Variants in FGGY observed in about 807,000 individuals in gnomAD.
FGGY encodes the protein FGGY carbohydrate kinase domain containing.
In FGGY, 72 loss-of-function variants were observed where a neutral mutation model predicts 71.3. The observed-to-expected ratio is 1.01, with a 90% CI of 0.84 to 1.23. The LOEUF (loss-of-function observed/expected upper bound fraction) is 1.23. Among genes scored for constraint, FGGY ranks in the 50% most tolerant of loss-of-function variants. The pLI is 0.00. For missense variants in FGGY, 668 were observed against 682.3 expected, an observed-to-expected ratio of 0.98 and a Z score of 0.23; for synonymous variants, 251 against 250.3, an observed-to-expected ratio of 1.00 and a Z score of -0.02.
At position 59,689,072 on chromosome 1, in the gene FGGY, G is replaced by A. The variant is rs546444468; in HGVS notation, c.1512+14939G>A. Among the ~76,000 whole-genome samples, 12 of 152,198 alleles carry A rather than the reference G, an allele frequency of 7.9e-5. No individual in the cohort carries two copies. In the East Asian group the frequency reaches 2.3e-3, roughly 29 times the overall value. On this transcript the variant is annotated intron_variant, in intron 14 of 15. Coordinates refer to ENST00000303721, the MANE Select transcript of FGGY (RefSeq NM_018291.5). Reference sequence around the variant, plus strand: ...GCCTAGACATTTTTTTAAAAGGTTGGGGAGAAAGGCCAGGTACCCTATCTT... The same window carrying A: ...GCCTAGACATTTTTTTAAAAGGTTGAGGAGAAAGGCCAGGTACCCTATCTT...
intron 6 of FGGY, among the ~76,000 whole-genome samples, chr1:59,477,958 G>A (rs1452311240): frequency 6.6e-6 from 1 of 152,168 alleles, no homozygotes; most frequent in African/African-American, 2.4e-5. Context: ...TTTTTAAAAT[G>A]CACTTTGGAG....
At chr1:59,641,102 C>T (rs1237088451) in intron 11 of FGGY, among the ~76,000 whole-genome samples, 5 of 150,906 alleles carry the variant, frequency 3.3e-5, no homozygotes, top group African/African-American at 1.2e-4. Context: ...CTGAGTGAAG[C>T]TGGGAAGGGG....
intron 2 of FGGY, among the ~76,000 whole-genome samples, chr1:59,328,569 G>A (rs912411650): frequency 6.6e-6 from 1 of 152,186 alleles, no homozygotes; most frequent in African/African-American, 2.4e-5. Flanking sequence ...GTTCACTGGA[G>A]TAGCGCTTTT....
At position 59,611,501 on chromosome 1, in the gene FGGY, G is replaced by A. The variant is rs1389983204; in HGVS notation, c.1011+3591G>A. On this transcript the variant is annotated intron_variant, in intron 9 of 15. Transcript: ENST00000303721. ...ATCCACACCAAAACCCAATCTGTAC[G>A]TCACCATCATCAAAGACCAAAGGTA... Among the ~76,000 whole-genome samples, 12 of 152,186 alleles carry A rather than the reference G, an allele frequency of 7.9e-5. No homozygotes were observed. The South Asian group carries it at 1.5e-3, about 18-fold the overall frequency.
intron 6 of FGGY, among the ~76,000 whole-genome samples, chr1:59,469,845 T>G (rs1405808331): frequency 1.3e-5 from 2 of 152,092 alleles, no homozygotes; most frequent in African/African-American, 4.8e-5. Flanking sequence ...TGAGAACATG[T>G]GATATTTGGT....
chr1:59,450,563 C>T lies in FGGY; in HGVS notation c.555-6398C>T, dbSNP rs192221595. ...TGAGTTTGTTGATTGTATTAACACCCTTTAATTCCCCAGTAGTAATAATAA... is the reference window on the plus strand; with the variant it reads ...TGAGTTTGTTGATTGTATTAACACCTTTTAATTCCCCAGTAGTAATAATAA... On this transcript the variant is annotated intron_variant, in intron 5 of 15. Coordinates refer to ENST00000303721, the MANE Select transcript of FGGY (RefSeq NM_018291.5). Among the ~76,000 whole-genome samples, 752 of 152,190 alleles carry T rather than the reference C, an allele frequency of 4.9e-3. 7 individuals are homozygous for T. The highest frequency in any genetic ancestry group is 0.017 in the African/African-American group (726 of 41,558).
In FGGY at chr1:59,375,288, C is replaced by G. The variant is rs950957742; in HGVS notation, c.466-3461C>G. Among the ~76,000 whole-genome samples, 7 of 136,276 alleles carry G rather than the reference C, an allele frequency of 5.1e-5. No homozygotes were observed. The South Asian group carries it at 1.5e-3, about 29-fold the overall frequency. 89.4% of individuals were successfully genotyped at this position (136,276 alleles called of 152,430 possible). A position where few individuals can be genotyped will look rare whatever the true frequency, so the allele number is the denominator to read the frequency against. ...AAGAAAAAAAAAAAAAAAAAAGAAA[C>G]AAACAAAAAAAAACTGCATGGGATC... On this transcript the variant is annotated intron_variant, in intron 4 of 15. Coordinates refer to ENST00000303721, the MANE Select transcript of FGGY (RefSeq NM_018291.5).
chr1:59,319,347 T>G (rs2045984005), intron 1 of FGGY, among the ~76,000 whole-genome samples: 1 of 152,214 alleles, frequency 6.6e-6, no homozygotes, highest in African/African-American at 2.4e-5. Flanking sequence ...TGAAAACCTA[T>G]TATGTGCCAG....
chr1:59,642,640 A>G (rs899883860), intron 11 of FGGY, among the ~76,000 whole-genome samples: 1 of 151,646 alleles, frequency 6.6e-6, no homozygotes, highest in African/African-American at 2.4e-5. Context: ...AAAAAAAAAA[A>G]AAAAGAGCAA....
chr1:59,632,478 C>T (rs2096917010), intron 10 of FGGY, among the ~76,000 whole-genome samples: 1 of 152,122 alleles, frequency 6.6e-6, no homozygotes, highest in South Asian at 2.1e-4. Context: ...TTCCCATAAT[C>T]CCACTAAATA....
chr1:59,356,127 G>A (rs1439599208), intron 4 of FGGY, among the ~76,000 whole-genome samples: 3 of 152,102 alleles, frequency 2.0e-5, no homozygotes, highest in African/African-American at 7.2e-5. Context: ...TTTTGCAGCA[G>A]TCCTCACCCA....
chr1:59,687,511 G>T (rs1382910121), intron 14 of FGGY, among the ~76,000 whole-genome samples: 3 of 151,614 alleles, frequency 2.0e-5, no homozygotes, highest in Non-Finnish European at 4.4e-5. Flanking sequence ...CTGTCGCCCA[G>T]GCTGGAGTGC....
chr1:59,558,332 G>A (rs1252408030), intron 8 of FGGY, among the ~76,000 whole-genome samples: 2 of 152,248 alleles, frequency 1.3e-5, no homozygotes, highest in Non-Finnish European at 1.5e-5. Context: ...TTTCAACGTA[G>A]GTTCTTTCTA....
At chr1:59,479,510 C>T (rs2093392346) in intron 6 of FGGY, among the ~76,000 whole-genome samples, 1 of 152,100 alleles carries the variant, frequency 6.6e-6, no homozygotes, top group Admixed American at 6.6e-5. Context: ...TACAGACTTT[C>T]TATTTTAATA....
intron 8 of FGGY, among the ~76,000 whole-genome samples, chr1:59,569,618 G>A (rs1303780405): frequency 6.6e-6 from 1 of 152,186 alleles, no homozygotes. Flanking sequence ...ATTGTTCAGA[G>A]AAATGGGGTG....
chr1:59,487,334 G>C (rs185256342), intron 6 of FGGY, among the ~76,000 whole-genome samples: 125 of 152,240 alleles, frequency 8.2e-4, no homozygotes, highest in Non-Finnish European at 7.4e-5. Flanking sequence ...GCAAACTACA[G>C]ATCTTCACTT....
At chr1:59,661,796 T>C (rs1389362432) in intron 12 of FGGY, among the ~76,000 whole-genome samples, 2 of 151,680 alleles carry the variant, frequency 1.3e-5, no homozygotes, top group African/African-American at 4.8e-5. Flanking sequence ...CTTGGCTCAC[T>C]GCAAGCTCCA....
chr1:59,406,297 T>C (rs1186012137), intron 5 of FGGY, among the ~76,000 whole-genome samples: 4 of 151,994 alleles, frequency 2.6e-5, no homozygotes, highest in Non-Finnish European at 4.4e-5. Context: ...CACAACACCC[T>C]GCCTTCTTGT....
rs554556332 is a variant in FGGY at position 59,673,694 on chromosome 1, C to T, written c.1418-345C>T. 451 of 248,118 alleles carry T rather than the reference C, an allele frequency of 1.8e-3. 1 individual carries two copies. The highest frequency in any genetic ancestry group is 3.4e-3 in the South Asian group (64 of 19,030). The allele number at this position is 248,118 out of a possible 1,614,324, so 15.4% of individuals were successfully genotyped here. On this transcript the variant is annotated intron_variant, in intron 13 of 15. Transcript: ENST00000303721. ...ACAGTCCGATTCATCTCAGTATTCC[C>T]TCGGCCAGCAGAGCGCTTAATAAAC...
Sources: allele counts gnomAD v4.1 joint callset (sites outside exome capture counted in the v4.1 genomes callset), GRCh38; gene constraint gnomAD v4.1.1; transcripts MANE v1.5; gene names NCBI Gene and HGNC (gene_info 2026-07-23, HGNC 2026-07-21).